The following DRAM1 variants were observed in gnomAD, a reference collection of about 807,000 sequenced individuals.
The protein encoded by DRAM1 is DNA damage-regulated autophagy modulator protein 1.
DRAM1 carries 25 observed loss-of-function variants against 28.5 expected under a neutral mutation model. The observed-to-expected ratio is 0.88, with a 90% CI of 0.64 to 1.23. The LOEUF (loss-of-function observed/expected upper bound fraction) is 1.23, where lower values mean the gene tolerates loss of function less well. Ranked by LOEUF, DRAM1 falls within the 50% of genes most tolerant of loss-of-function variation. The pLI, the probability that DRAM1 is intolerant of heterozygous loss-of-function variation, is 0.00. For missense variants in DRAM1, 249 were observed against 299.2 expected (o/e 0.83, Z 1.24); for synonymous variants, 113 against 114.2 (o/e 0.99, Z 0.07).
intron 1 of DRAM1, among the ~76,000 whole-genome samples, chr12:101,880,938 A>G (rs1400065321): frequency 6.6e-6 from 1 of 152,094 alleles, no homozygotes; most frequent in Non-Finnish European, 1.5e-5. Context: ...ACACACAACA[A>G]ACATTTGTAC....
intron 2 of DRAM1, among the ~76,000 whole-genome samples, chr12:101,900,604 C>T (rs1261812832): frequency 6.6e-6 from 1 of 152,166 alleles, no homozygotes; most frequent in Non-Finnish European, 1.5e-5. Flanking sequence ...TGCTAATGAT[C>T]AGAGAAATGC....
At chr12:101,906,817 T>C (rs1429369292) in intron 3 of DRAM1, among the ~76,000 whole-genome samples, 8 of 138,874 alleles carry the variant, frequency 5.8e-5, no homozygotes, top group African/African-American at 2.2e-4. Flanking sequence ...ATCTCATCAC[T>C]GCACTCCAGC....
chr12:101,901,364 T>A lies in DRAM1; in HGVS notation c.273T>A (p.Val91=), dbSNP rs769290435. 1 of 1,614,134 alleles carries A rather than the reference T, an allele frequency of 6.2e-7. No individual in the cohort carries two copies. The highest frequency in any genetic ancestry group is 8.5e-7 in the Non-Finnish European group (1 of 1,180,022). ...AAACCTGCTATTTCAGCACTCCTGT[T>A]TTTAACTTGGTGTCTTTAGTGCTTG... is the stretch of plus-strand genomic sequence containing the variant. ...QNQTCYFSTP[V]FNLVSLVLGL... Residue 91 remains valine, a synonymous_variant, in exon 3 of 7, where the codon GTT becomes GTA. Coordinates refer to ENST00000258534, the MANE Select transcript of DRAM1 (RefSeq NM_018370.3).
At chr12:101,885,284 A>C (rs1014905288) in intron 1 of DRAM1, among the ~76,000 whole-genome samples, 1 of 152,176 alleles carries the variant, frequency 6.6e-6, no homozygotes, top group Non-Finnish European at 1.5e-5. Context: ...TTAACTTTAA[A>C]GAAAGTTTCC....
intron 3 of DRAM1, among the ~76,000 whole-genome samples, chr12:101,901,828 G>A (rs929482796): frequency 2.0e-5 from 3 of 148,144 alleles, no homozygotes; most frequent in Non-Finnish European, 4.4e-5. Context: ...GCAGTGAGCC[G>A]AGATTGTGCC....
intron 1 of DRAM1, among the ~76,000 whole-genome samples, chr12:101,895,214 T>TTTTTTTTTTTTTTTTTTTTTTTTC (rs1873312382): frequency 7.9e-6 from 1 of 127,018 alleles, no homozygotes; most frequent in Admixed American, 8.2e-5. Context: ...TTTTTTTTTT[T>TTTTTTTTTTTTTTTTTTTTTTTTC]TTACCCAGGC....
chr12:101,910,228 C>A (rs59946473), intron 4 of DRAM1, among the ~76,000 whole-genome samples: 27,176 of 151,958 alleles, frequency 0.18, 2,864 homozygotes, highest in East Asian at 0.34. Context: ...CTTCTCAAAT[C>A]CCTTGTCTTA....
intron 1 of DRAM1, among the ~76,000 whole-genome samples, chr12:101,882,515 G>A (rs908977742): frequency 6.6e-6 from 1 of 151,290 alleles, no homozygotes; most frequent in Non-Finnish European, 1.5e-5. Context: ...TTCCTTATCA[G>A]ATACTTTCTC....
chr12:101,910,639 G>A (rs888263232), intron 4 of DRAM1, among the ~76,000 whole-genome samples: 6 of 151,754 alleles, frequency 4.0e-5, no homozygotes, highest in Admixed American at 6.6e-5. Context: ...CACCACGCCC[G>A]GCTACTTTTC....
At chr12:101,878,240 G>C (rs1300349377) in intron 1 of DRAM1, among the ~76,000 whole-genome samples, 1 of 152,128 alleles carries the variant, frequency 6.6e-6, no homozygotes, top group African/African-American at 2.4e-5. Flanking sequence ...AAACAAGATG[G>C]GTTCTGATAG....
chr12:101,919,119 T>C (rs190562866), intron 5 of DRAM1, among the ~76,000 whole-genome samples: 1 of 151,882 alleles, frequency 6.6e-6, no homozygotes, highest in East Asian at 1.9e-4. Context: ...TTGCCCAGGC[T>C]GGTCTCAAAC....
In DRAM1 at chr12:101,895,616, A is replaced by C. The variant is rs1276696270; in HGVS notation, c.132-2247A>C. Reference sequence around the variant, plus strand: ...GAAGGAGTCTCACTCTGTCACCCAGACTGGAGTACAGTGGCACGATCTCGG... The same window carrying C: ...GAAGGAGTCTCACTCTGTCACCCAGCCTGGAGTACAGTGGCACGATCTCGG... On this transcript the variant is annotated intron_variant, in intron 1 of 6. Transcript: ENST00000258534. Among the ~76,000 whole-genome samples the C allele has an allele frequency of 7.2e-5, 9 of 124,766 alleles. 1 individual carries two copies. The Admixed American group carries it at 7.6e-4, about 11-fold the overall frequency. The allele number at this position is 124,766 out of a possible 152,430, so 81.9% of individuals were successfully genotyped here.
chr12:101,885,728 A>C (rs1872862876), intron 1 of DRAM1, among the ~76,000 whole-genome samples: 2 of 151,970 alleles, frequency 1.3e-5, no homozygotes, highest in East Asian at 1.9e-4. Flanking sequence ...GGGTTTCACT[A>C]TGTTGGCCAG....
chr12:101,912,134 G>C lies in DRAM1; in HGVS notation c.521-2040G>C, dbSNP rs932300603. Among the ~76,000 whole-genome samples, 7 of 152,278 alleles carry C rather than the reference G, an allele frequency of 4.6e-5. No homozygotes were observed. The South Asian group carries it at 6.2e-4, about 14-fold the overall frequency. On this transcript the variant is annotated intron_variant, in intron 4 of 6. Coordinates refer to ENST00000258534, the MANE Select transcript of DRAM1 (RefSeq NM_018370.3). ...GAATCGCTTGAACCCAGGAGGTGGA[G>C]GTTGCAGGTGAGCTGAGATCACACC...
At chr12:101,883,562 C>T (rs1246151782) in intron 1 of DRAM1, among the ~76,000 whole-genome samples, 2 of 151,378 alleles carry the variant, frequency 1.3e-5, no homozygotes, top group Admixed American at 6.6e-5. Flanking sequence ...GATCCGCCCA[C>T]CTCGGCCTCC....
At chr12:101,908,594 G>T (rs1873914159) in intron 4 of DRAM1, among the ~76,000 whole-genome samples, 1 of 152,194 alleles carries the variant, frequency 6.6e-6, no homozygotes, top group East Asian at 1.9e-4. Flanking sequence ...GGATGAGGGG[G>T]AATTCTGGCC....
chr12:101,886,035 G>A (rs1305522844), intron 1 of DRAM1, among the ~76,000 whole-genome samples: 1 of 152,136 alleles, frequency 6.6e-6, no homozygotes, highest in Non-Finnish European at 1.5e-5. Flanking sequence ...CATTAACCTT[G>A]TTAGTTTCCT....
In DRAM1 at chr12:101,912,112, T is replaced by G. The variant is rs539439458; in HGVS notation, c.521-2062T>G. Among the ~76,000 whole-genome samples the G allele has an allele frequency of 4.1e-4, 63 of 152,206 alleles. 1 individual carries two copies. The highest frequency in any genetic ancestry group is 3.9e-3 in the South Asian group (19 of 4,816). On this transcript the variant is annotated intron_variant, in intron 4 of 6. Coordinates refer to ENST00000258534, the MANE Select transcript of DRAM1 (RefSeq NM_018370.3). ...TGCTGAGGAGGCTGAGGCAGGAGAA[T>G]CGCTTGAACCCAGGAGGTGGAGGTT... is the stretch of plus-strand genomic sequence containing the variant.
chr12:101,922,427 A>C lies in DRAM1; in HGVS notation c.*1167A>C, dbSNP rs1874517632. On this transcript the variant is annotated 3_prime_UTR_variant, in exon 7 of 7. Coordinates refer to ENST00000258534, the MANE Select transcript of DRAM1 (RefSeq NM_018370.3). ...CTTTCAAATCCTAGAGCATAAACCC[A>C]TGTGTGGCCAAGTGAGATCAGCCCT... 6.6e-6 allele frequency: 1 copy of C among 152,296 alleles called. No homozygotes were observed. 9.4% of individuals were successfully genotyped at this position (152,296 alleles called of 1,614,324 possible). A position where few individuals can be genotyped will look rare whatever the true frequency, so the allele number is the denominator to read the frequency against.
Sources: allele counts gnomAD v4.1 joint callset (sites outside exome capture counted in the v4.1 genomes callset), GRCh38; gene constraint gnomAD v4.1.1; transcripts MANE v1.5; gene names NCBI Gene and HGNC (gene_info 2026-07-23, HGNC 2026-07-21).